The following SLC25A26 variants were observed in gnomAD, a reference collection of about 807,000 sequenced individuals.
The protein encoded by SLC25A26 is solute carrier family 25 member 26.
A neutral mutation model predicts 37.8 loss-of-function variants in SLC25A26; 36 were observed. The observed-to-expected ratio is 0.95, with a 90% CI of 0.73 to 1.26. The LOEUF (loss-of-function observed/expected upper bound fraction) is 1.26. Among genes scored for constraint, SLC25A26 ranks in the 50% most tolerant of loss-of-function variants. SLC25A26 has a pLI of 0.00. For synonymous variants in SLC25A26, 129 were observed against 122.5 expected, an observed-to-expected ratio of 1.05 and a Z score of -0.35; for missense variants, 390 against 331.1, an observed-to-expected ratio of 1.18 and a Z score of -1.38.
chr3:66,272,803 G>T (rs1252088963), intron 5 of SLC25A26, among the ~76,000 whole-genome samples: 3 of 152,020 alleles, frequency 2.0e-5, no homozygotes, highest in Non-Finnish European at 4.4e-5. Context: ...TTGCCTAATT[G>T]CCCTGGCCAG....
At chr3:66,154,079 A>G (rs1473560089) in intron 1 of SLC25A26, among the ~76,000 whole-genome samples, 3 of 152,158 alleles carry the variant, frequency 2.0e-5, no homozygotes, top group Admixed American at 2.0e-4. Context: ...CTCTGTGACC[A>G]GGCTGTTTAT....
chr3:66,147,801 C>G (rs775474652), intron 1 of SLC25A26, among the ~76,000 whole-genome samples: 7 of 152,134 alleles, frequency 4.6e-5, no homozygotes, highest in Non-Finnish European at 1.0e-4. Flanking sequence ...CTCTGTCACC[C>G]AGGCTGGAGT....
chr3:66,195,024 C>G (rs1004280606), intron 1 of SLC25A26, among the ~76,000 whole-genome samples: 3 of 152,226 alleles, frequency 2.0e-5, no homozygotes, highest in African/African-American at 7.2e-5. Context: ...TGTCTGCCCA[C>G]CCCAATCCCA....
intron 5 of SLC25A26, among the ~76,000 whole-genome samples, chr3:66,308,362 A>G (rs1305168505): frequency 6.6e-6 from 1 of 152,084 alleles, no homozygotes; most frequent in African/African-American, 2.4e-5. Context: ...GTATCCTGAG[A>G]CTTTGCTGAA....
At chr3:66,186,566 T>C (rs985739795) in intron 1 of SLC25A26, among the ~76,000 whole-genome samples, 4 of 152,006 alleles carry the variant, frequency 2.6e-5, no homozygotes, top group African/African-American at 9.6e-5. Context: ...CTGATCCTTA[T>C]CCTAAACCTG....
At chr3:66,342,727 C>T (rs1188778125) in intron 5 of SLC25A26, among the ~76,000 whole-genome samples, 6 of 152,146 alleles carry the variant, frequency 3.9e-5, no homozygotes, top group Non-Finnish European at 7.3e-5. Context: ...CCCTATTTCA[C>T]CTCGAATCCT....
chr3:66,225,872 C>T (rs1448385814), intron 1 of SLC25A26, among the ~76,000 whole-genome samples: 1 of 152,134 alleles, frequency 6.6e-6, no homozygotes, highest in Non-Finnish European at 1.5e-5. Flanking sequence ...CCAAGAAGTT[C>T]CTCATCTCCA....
At chr3:66,243,480 A>T (rs1465840159) in intron 3 of SLC25A26, among the ~76,000 whole-genome samples, 168 bp downstream of exon 3, 1 of 152,236 alleles carries the variant, frequency 6.6e-6, no homozygotes, top group East Asian at 1.9e-4. Flanking sequence ...GAGCCTGACA[A>T]CTAAAAGACA....
intron 1 of SLC25A26, among the ~76,000 whole-genome samples, chr3:66,137,207 G>A (rs1476815368): frequency 2.1e-5 from 3 of 145,974 alleles, no homozygotes; most frequent in Admixed American, 6.9e-5. Context: ...CCTATGCTGT[G>A]ATTTTCTTTC....
At chr3:66,209,315 A>C (rs1437978161) in intron 1 of SLC25A26, among the ~76,000 whole-genome samples, 3 of 139,058 alleles carry the variant, frequency 2.2e-5, no homozygotes, top group African/African-American at 7.7e-5. Context: ...GTATATATAC[A>C]TATATATCTA....
intron 3 of SLC25A26, among the ~76,000 whole-genome samples, chr3:66,259,026 C>G (rs2073417466): frequency 6.6e-6 from 1 of 152,146 alleles, no homozygotes; most frequent in African/African-American, 2.4e-5. Flanking sequence ...AATCAGACCC[C>G]TGGACGGGAG....
rs535796014 is a variant in SLC25A26, at chr3:66,370,619, C to T, written c.707+17C>T. The T allele has an allele frequency of 2.5e-6, 4 of 1,606,816 alleles. No individual in the cohort carries two copies. The highest frequency in any genetic ancestry group is 3.3e-5 in the Admixed American group (2 of 59,802). On this transcript the variant is annotated intron_variant, in intron 9 of 9. Transcript: ENST00000354883. The stretch of plus-strand genomic sequence containing the variant: ...GCTGGCAGGGTAAGACGAGGAATGC[C>T]CTCCTTCCTTTCTTCCTCTCCACCA...
At chr3:66,263,664 T>TGTTC (rs531169708) in intron 5 of SLC25A26, among the ~76,000 whole-genome samples, 144 of 151,730 alleles carry the variant, frequency 9.5e-4, no homozygotes, top group African/African-American at 3.2e-3. Flanking sequence ...AAGTATTTTT[T>TGTTC]GTTTGTTTTT....
chr3:66,236,405 G>GT (rs201982379), intron 1 of SLC25A26, 139 bp from the exon 2 acceptor site: 2 of 514,854 alleles, frequency 3.9e-6, no homozygotes, highest in Admixed American at 3.9e-5. Context: ...ACGGTCCTTT[G>GT]TGCCGCAGAA....
chr3:66,248,281 G>A (rs1041541793), intron 3 of SLC25A26, among the ~76,000 whole-genome samples: 1 of 152,176 alleles, frequency 6.6e-6, no homozygotes, highest in Non-Finnish European at 1.5e-5. Flanking sequence ...AGTCAAATAA[G>A]ATTTAACATG....
At chr3:66,247,264 T>C (rs2072891445) in intron 3 of SLC25A26, among the ~76,000 whole-genome samples, 1 of 137,124 alleles carries the variant, frequency 7.3e-6, no homozygotes, top group African/African-American at 2.9e-5. Context: ...AATATAAATA[T>C]AAATATATAT....
At chr3:66,264,243 G>C (rs1404058097) in intron 5 of SLC25A26, among the ~76,000 whole-genome samples, 1 of 151,992 alleles carries the variant, frequency 6.6e-6, no homozygotes, top group Non-Finnish European at 1.5e-5. Context: ...CTGGATTCCA[G>C]CCTGGGCAAC....
chr3:66,377,281 A>AG (rs1266338339), intron 9 of SLC25A26, among the ~76,000 whole-genome samples: 2 of 152,090 alleles, frequency 1.3e-5, no homozygotes, highest in African/African-American at 4.8e-5. Flanking sequence ...GAATCCATGG[A>AG]GGTTCAACTC....
chr3:66,225,913 T>C (rs980879980), intron 1 of SLC25A26, among the ~76,000 whole-genome samples: 4 of 152,164 alleles, frequency 2.6e-5, no homozygotes, highest in South Asian at 2.1e-4. Context: ...GATTTTATTG[T>C]CCATCTCACT....
Sources: allele counts gnomAD v4.1 joint callset (sites outside exome capture counted in the v4.1 genomes callset), GRCh38; gene constraint gnomAD v4.1.1; transcripts MANE v1.5; gene names NCBI Gene and HGNC (gene_info 2026-07-23, HGNC 2026-07-21).